The following ITGB3 variants were observed in gnomAD, a reference collection of about 807,000 sequenced individuals.
ITGB3 encodes the protein integrin subunit beta 3.
A neutral mutation model predicts 85.8 loss-of-function variants in ITGB3; 48 were observed. The ratio of observed to expected loss-of-function variants is 0.56; its 90% CI spans 0.44 to 0.71. The LOEUF (loss-of-function observed/expected upper bound fraction) is 0.71, where lower values mean the gene tolerates loss of function less well. Ranked by LOEUF, ITGB3 falls within the 30% of genes least tolerant of loss-of-function variation. The pLI is 0.00. For synonymous variants in ITGB3, 363 were observed against 395.6 expected (o/e 0.92, Z 0.98); for missense variants, 861 against 1,019.1 (o/e 0.84, Z 2.11).
Position 47,308,160 on chromosome 17 carries a change from A to AAATAAT in ITGB3, c.2301+547_2301+552dup, listed in dbSNP as rs200038305. Among the ~76,000 whole-genome samples, 1,287 of 138,554 alleles carry AAATAAT rather than the reference A, an allele frequency of 9.3e-3. 32 individuals are homozygous for AAATAAT. The highest frequency in any genetic ancestry group is 0.074 in the East Asian group (360 of 4,892). 90.9% of individuals were successfully genotyped at this position (138,554 alleles called of 152,430 possible). ...GTGACAGAGCAGGACTCGGTCTCAA[A>AAATAAT]AATAATAATAATAATAATAATAATA... On this transcript the variant is annotated intron_variant, in intron 14 of 14. Transcript: ENST00000559488.
chr17:47,290,418 G>A (rs2065120497), intron 8 of ITGB3, 144 bp downstream of exon 8: 2 of 753,734 alleles, frequency 2.7e-6, no homozygotes, highest in Admixed American at 3.7e-5. Flanking sequence ...CCCAGGCAAT[G>A]GCCCGCTCTA....
At chr17:47,293,413 A>G (rs1332682591) in intron 10 of ITGB3, among the ~76,000 whole-genome samples, 2 of 152,272 alleles carry the variant, frequency 1.3e-5, no homozygotes, top group East Asian at 3.9e-4. Flanking sequence ...ACACTCTCAG[A>G]GGGCAAATAG....
chr17:47,291,213 C>T (rs1827204821), intron 9 of ITGB3, 125 bp downstream of exon 9: 6 of 1,113,010 alleles, frequency 5.4e-6, no homozygotes, highest in South Asian at 2.6e-5. Context: ...AAGAAAAATA[C>T]GTTTCCTGAA....
At chr17:47,273,947 C>T (rs187381940) in intron 1 of ITGB3, among the ~76,000 whole-genome samples, 44 of 152,308 alleles carry the variant, frequency 2.9e-4, no homozygotes, top group Middle Eastern at 3.4e-3. Context: ...TCACCCTCCA[C>T]GCCCCCACTG....
intron 2 of ITGB3, among the ~76,000 whole-genome samples, chr17:47,278,444 G>T (rs1028173329): frequency 6.6e-6 from 1 of 152,144 alleles, no homozygotes; most frequent in African/African-American, 2.4e-5. Context: ...GCTGGGCGTG[G>T]TGGCGCAGGC....
At chr17:47,259,971 T>G (rs4598971) in intron 1 of ITGB3, among the ~76,000 whole-genome samples, 46,189 of 152,038 alleles carry the variant, frequency 0.3, 7,359 homozygotes, top group East Asian at 0.49. Flanking sequence ...TCATTGTCAG[T>G]CGTTAAAATT....
chr17:47,294,585 C>T (rs1332522261), intron 10 of ITGB3, among the ~76,000 whole-genome samples: 1 of 152,236 alleles, frequency 6.6e-6, no homozygotes, highest in Admixed American at 6.5e-5. Flanking sequence ...ATTGCCGCCT[C>T]CCTCTACCAT....
chr17:47,287,919 T>C (rs1203178461), intron 6 of ITGB3, among the ~76,000 whole-genome samples: 2 of 103,998 alleles, frequency 1.9e-5, no homozygotes, highest in Non-Finnish European at 4.4e-5. Context: ...TGCTTTTTTT[T>C]TTTTTTTTTT....
intron 1 of ITGB3, among the ~76,000 whole-genome samples, chr17:47,270,409 G>GA (rs1469102990): frequency 6.6e-6 from 1 of 152,186 alleles, no homozygotes; most frequent in Non-Finnish European, 1.5e-5. Context: ...TCTGATAGGG[G>GA]AAAAAAGAGA....
intron 10 of ITGB3, among the ~76,000 whole-genome samples, chr17:47,297,428 C>T (rs1170302859): frequency 3.3e-5 from 5 of 152,130 alleles, no homozygotes; most frequent in South Asian, 4.1e-4. Flanking sequence ...GGGCAAGGCA[C>T]ATGGATCACC....
chr17:47,267,431 T>G (rs1477649140), intron 1 of ITGB3, among the ~76,000 whole-genome samples: 4 of 151,988 alleles, frequency 2.6e-5, no homozygotes, highest in South Asian at 2.1e-4. Flanking sequence ...GAGGGAGGGG[T>G]GGGCTCAGAA....
rs557403067 is a variant in ITGB3, at chr17:47,272,418, CAG to C, written c.80-1998_80-1997del. Reference sequence around the variant, plus strand: ...AGAATTATTTCCCTTTTTTTTGAGACAGAGTCTCGCACTATTGCCCAGGGTTG... The same window carrying C: ...AGAATTATTTCCCTTTTTTTTGAGACAGTCTCGCACTATTGCCCAGGGTTG... On this transcript the variant is annotated intron_variant, in intron 1 of 14. Coordinates refer to ENST00000559488, the MANE Select transcript of ITGB3 (RefSeq NM_000212.3). Among the ~76,000 whole-genome samples, 16 of 151,860 alleles carry C rather than the reference CAG, an allele frequency of 1.1e-4. No individual in the cohort carries two copies. In the East Asian group the frequency reaches 1.9e-3, roughly 18 times the overall value.
chr17:47,268,292 C>T (rs1418469784), intron 1 of ITGB3, among the ~76,000 whole-genome samples: 1 of 152,200 alleles, frequency 6.6e-6, no homozygotes, highest in African/African-American at 2.4e-5. Flanking sequence ...CATTTCAAAA[C>T]ACAATCATGA....
intron 1 of ITGB3, among the ~76,000 whole-genome samples, chr17:47,266,068 A>T (rs1420873855): frequency 6.6e-6 from 1 of 152,244 alleles, no homozygotes; most frequent in Non-Finnish European, 1.5e-5. Flanking sequence ...GTGCCTATGT[A>T]GGACAGTAAG....
chr17:47,308,934 C>T (rs1417801023), intron 14 of ITGB3, among the ~76,000 whole-genome samples: 1 of 150,642 alleles, frequency 6.6e-6, no homozygotes, highest in Non-Finnish European at 1.5e-5. Flanking sequence ...TTTCTCTCCC[C>T]TCCTCTCCCA....
In ITGB3 at chr17:47,299,461, T is replaced by C. The variant is rs368080215; in HGVS notation, c.1844T>C (p.Ile615Thr). Residue 615 changes from isoleucine to threonine, a missense_variant, in exon 11 of 15, where the codon ATC becomes ACC. Physicochemically the swap from Ile to Thr is moderately conservative, Grantham distance 89 (BLOSUM62 -1). Coordinates refer to ENST00000559488, the MANE Select transcript of ITGB3 (RefSeq NM_000212.3). This position sits in a 1 kb window ranked among gnomAD's most constrained non-coding sequence, Gnocchi z 5.1. The stretch of plus-strand genomic sequence containing the variant: ...TGTGAATGTGGCAGCTGTGTCTGTA[T>C]CCAGCCGGGCTCCTATGGGGACACC... Reference protein sequence around the residue: ...GKCECGSCVCIQPGSYGDTCE... With the variant: ...GKCECGSCVCTQPGSYGDTCE... 2.4e-5 allele frequency: 38 copies of C among 1,614,144 alleles called. No individual in the cohort carries two copies. Among genetic ancestry groups the C allele is most frequent in the Non-Finnish European group, 3.1e-5 (36 of 1,180,048 alleles).
chr17:47,257,923 G>T (rs1053522739), intron 1 of ITGB3, among the ~76,000 whole-genome samples: 2 of 152,128 alleles, frequency 1.3e-5, no homozygotes, highest in Admixed American at 6.6e-5. Context: ...GTGAGGAGGG[G>T]GAGTCTGGCT....
intron 1 of ITGB3, among the ~76,000 whole-genome samples, chr17:47,256,117 T>C (rs141317999): frequency 1.1e-4 from 16 of 152,308 alleles, no homozygotes; most frequent in Non-Finnish European, 2.1e-4. Context: ...AAATTCACTT[T>C]GGAGTGTATT....
At chr17:47,277,690 C>T (rs2065068751) in intron 2 of ITGB3, among the ~76,000 whole-genome samples, 1 of 152,190 alleles carries the variant, frequency 6.6e-6, no homozygotes, top group South Asian at 2.1e-4. Context: ...GGCAACCCTA[C>T]AGTGGAGGGA....
Sources: gnomAD v4.1 joint callset for allele counts (sites outside exome capture counted in the v4.1 genomes callset) on GRCh38, gnomAD v4.1.1 for gene constraint, Gnocchi (gnomAD v3.1) non-coding constraint, MANE v1.5 for transcripts, NCBI Gene and HGNC (gene_info 2026-07-23, HGNC 2026-07-21) for gene names.